CCDC171: variants seen among roughly 807,000 people sequenced by gnomAD.
CCDC171 encodes coiled-coil domain-containing protein 171.
Under a neutral mutation model 168.2 loss-of-function variants are expected in CCDC171, and 177 were observed. That is an observed-to-expected ratio of 1.05 (90% CI 0.93 to 1.19). The LOEUF (loss-of-function observed/expected upper bound fraction) is 1.19. CCDC171 is among the 50% of genes most tolerant of loss of function. CCDC171 has a pLI of 0.00. For missense variants in CCDC171, 1,991 were observed against 1,539.0 expected, an observed-to-expected ratio of 1.29 and a Z score of -4.91; for synonymous variants, 687 against 540.8, an observed-to-expected ratio of 1.27 and a Z score of -3.75.
intron 11 of CCDC171, among the ~76,000 whole-genome samples, chr9:15,706,232 C>G (rs112734352): frequency 6.7e-6 from 1 of 149,514 alleles, no homozygotes; most frequent in Admixed American, 6.6e-5. Context: ...TTCCTTCCTT[C>G]CTTCCTTCCT....
chr9:15,976,134 G>A (rs1831613111), downstream of CCDC171, among the ~76,000 whole-genome samples: 1 of 152,176 alleles, frequency 6.6e-6, no homozygotes, highest in Non-Finnish European at 1.5e-5. Context: ...AGGATTGTAA[G>A]AGAATACATT....
In CCDC171 at chr9:15,860,764, T is replaced by A. The variant is rs922266196; in HGVS notation, c.3468+11817T>A. On this transcript the variant is annotated intron_variant, in intron 23 of 25. Coordinates refer to ENST00000380701, the MANE Select transcript of CCDC171 (RefSeq NM_173550.4). Reference sequence around the variant, plus strand: ...GAACGGTCTACGTATGTTCATTAGGTTCATTTGGTCTATAGTGTTGTTTGT... The same window carrying A: ...GAACGGTCTACGTATGTTCATTAGGATCATTTGGTCTATAGTGTTGTTTGT... Among the ~76,000 whole-genome samples, 13 of 151,924 alleles carry A rather than the reference T, an allele frequency of 8.6e-5. 1 individual carries two copies. Among genetic ancestry groups the A allele is most frequent in the Admixed American group, 3.3e-4 (5 of 15,202 alleles).
chr9:16,097,456 A>G, the CCDC171 span, among the ~76,000 whole-genome samples: 3 of 152,230 alleles, frequency 2.0e-5, no homozygotes, highest in Admixed American at 6.5e-5. Flanking sequence ...CATCCAGAAA[A>G]TAGAATGGCA....
chr9:15,573,380 T>C (rs1348036414), intron 3 of CCDC171, among the ~76,000 whole-genome samples: 1 of 152,208 alleles, frequency 6.6e-6, no homozygotes, highest in East Asian at 1.9e-4. Context: ...GTTCAAGTGA[T>C]TGGAGAATCA....
intron 8 of CCDC171, among the ~76,000 whole-genome samples, chr9:15,661,296 A>ATAC (rs58898028): frequency 3.3e-4 from 47 of 141,540 alleles, no homozygotes; most frequent in African/African-American, 1.2e-3. Context: ...AAAAAAAAAA[A>ATAC]AAAAGTAACA....
intron 6 of CCDC171, among the ~76,000 whole-genome samples, chr9:15,610,635 A>C (rs560193214): frequency 6.6e-6 from 1 of 151,414 alleles, no homozygotes; most frequent in East Asian, 2.0e-4. Flanking sequence ...TCTAAAAAAA[A>C]AAACAAAAAC....
chr9:15,906,095 C>A (rs1370615239), intron 24 of CCDC171, among the ~76,000 whole-genome samples: 1 of 152,172 alleles, frequency 6.6e-6, no homozygotes, highest in Non-Finnish European at 1.5e-5. Flanking sequence ...ACCAGAGGTA[C>A]AAGGAGGAGC....
intron 1 of CCDC171, among the ~76,000 whole-genome samples, chr9:16,054,913 G>T (rs1210632064): frequency 6.6e-6 from 1 of 152,186 alleles, no homozygotes; most frequent in African/African-American, 2.4e-5. Context: ...CGCAGGGCGG[G>T]GGGCAGGTGG....
intron 6 of CCDC171, among the ~76,000 whole-genome samples, chr9:15,615,735 G>A (rs1015279824): frequency 9.3e-5 from 14 of 150,724 alleles, no homozygotes; most frequent in African/African-American, 2.9e-4. Flanking sequence ...ATTATGTGTT[G>A]TGTTTCTACA....
chr9:16,049,163 G>A (rs897254110), intron 1 of CCDC171, among the ~76,000 whole-genome samples: 1 of 152,192 alleles, frequency 6.6e-6, no homozygotes, highest in Non-Finnish European at 1.5e-5. Flanking sequence ...ATTTTCAGTT[G>A]CATGCAGGAT....
At chr9:15,783,885 C>G (rs891549716) in intron 20 of CCDC171, among the ~76,000 whole-genome samples, 4 of 152,128 alleles carry the variant, frequency 2.6e-5, no homozygotes, top group African/African-American at 7.2e-5. Context: ...GCCAGGCACT[C>G]TTCTCTATGT....
intron 18 of CCDC171, among the ~76,000 whole-genome samples, chr9:15,751,026 C>G (rs7025420): frequency 6.6e-6 from 1 of 151,906 alleles, no homozygotes; most frequent in African/African-American, 2.4e-5. Context: ...TTAGAAAACC[C>G]CATCGTCTCA....
At chr9:15,839,713 A>G (rs1563846409) in intron 21 of CCDC171, among the ~76,000 whole-genome samples, 1 of 152,186 alleles carries the variant, frequency 6.6e-6, no homozygotes, top group African/African-American at 2.4e-5. Flanking sequence ...AATACTTACA[A>G]TATGAGAGGC....
chr9:16,015,925 G>A (rs1208389398), intron 3 of CCDC171, among the ~76,000 whole-genome samples: 1 of 152,130 alleles, frequency 6.6e-6, no homozygotes, highest in Non-Finnish European at 1.5e-5. Flanking sequence ...AGGTTCATTC[G>A]TGTTGTAGCG....
At chr9:15,766,157 G>T (rs2056710852) in intron 18 of CCDC171, among the ~76,000 whole-genome samples, 1 of 152,224 alleles carries the variant, frequency 6.6e-6, no homozygotes, top group Admixed American at 6.5e-5. Flanking sequence ...ATTAGCCTAG[G>T]TCACTCTGTG....
At chr9:16,028,665 G>A (rs1353234708) in intron 6 of CCDC171, among the ~76,000 whole-genome samples, 1 of 152,162 alleles carries the variant, frequency 6.6e-6, no homozygotes, top group Non-Finnish European at 1.5e-5. Context: ...CTCTGAGAAT[G>A]CACCTCTCAG....
At chr9:15,691,408 T>A (rs2050766522) in intron 10 of CCDC171, among the ~76,000 whole-genome samples, 1 of 150,928 alleles carries the variant, frequency 6.6e-6, no homozygotes, top group Non-Finnish European at 1.5e-5. Flanking sequence ...ACATTGTGAA[T>A]AAAACTTACC....
chr9:15,570,138 T>A (rs985712172), intron 2 of CCDC171, among the ~76,000 whole-genome samples: 1 of 151,952 alleles, frequency 6.6e-6, no homozygotes, highest in African/African-American at 2.4e-5. Context: ...TCCAGCTAAT[T>A]TTTTATATTT....
chr9:15,938,813 G>T (rs567694930), intron 25 of CCDC171, among the ~76,000 whole-genome samples: 3 of 151,760 alleles, frequency 2.0e-5, no homozygotes, highest in Admixed American at 6.6e-5. Context: ...GCCAGCTAAG[G>T]TTACAGGACT....
Sources: allele counts gnomAD v4.1 joint callset (sites outside exome capture counted in the v4.1 genomes callset), GRCh38; gene constraint gnomAD v4.1.1; transcripts MANE v1.5; gene names NCBI Gene and HGNC (gene_info 2026-07-23, HGNC 2026-07-21).